SLC26A5: variants seen among roughly 807,000 people sequenced by gnomAD.
SLC26A5 encodes the protein prestin.
SLC26A5 carries 51 observed loss-of-function variants against 81.0 expected under a neutral mutation model. The observed-to-expected ratio is 0.63, with a 90% confidence interval of 0.50 to 0.80. The LOEUF (loss-of-function observed/expected upper bound fraction) is 0.80, where lower values mean the gene tolerates loss of function less well. Among genes scored for constraint, SLC26A5 ranks in the 30% least tolerant of loss-of-function variants. The probability of loss-of-function intolerance (pLI) is 0.00; values close to 1 mark genes in which losing one functional copy is unlikely to be tolerated. For missense variants in SLC26A5, 771 were observed against 905.8 expected (o/e 0.85, Z 1.91); for synonymous variants, 325 against 332.8 (o/e 0.98, Z 0.25).
At chr7:103,393,090 C>T in intron 9 of SLC26A5, 24 bp from the exon 10 acceptor site, 2 of 1,613,696 alleles carry the variant, frequency 1.2e-6, no homozygotes, top group Non-Finnish European at 1.7e-6. Context: ...CTGCCTTTAA[C>T]TTGTGTTGTG....
Position 103,446,116 on chromosome 7 carries a change from G to A in SLC26A5, c.-201C>T, listed in dbSNP as rs1827298512. On this transcript the variant is annotated 5_prime_UTR_variant, in exon 1 of 20. Transcript: ENST00000306312. Reference sequence around the variant, plus strand: ...CACTCACCAGCCCGGGCTGCCCTGGGCGGAGCCGCCCCGCCGCGCTCCACA... The same window carrying A: ...CACTCACCAGCCCGGGCTGCCCTGGACGGAGCCGCCCCGCCGCGCTCCACA... 6.6e-6 allele frequency: 1 copy of A among 151,770 alleles called. No homozygotes were observed. Among genetic ancestry groups the A allele is most frequent in the Non-Finnish European group, 1.5e-5 (1 of 68,048 alleles). 9.4% of individuals were successfully genotyped at this position (151,770 alleles called of 1,614,324 possible).
intron 14 of SLC26A5, among the ~76,000 whole-genome samples, chr7:103,381,193 C>A (rs2116384575): frequency 6.6e-6 from 1 of 151,454 alleles, no homozygotes; most frequent in South Asian, 2.1e-4. Flanking sequence ...ACACACATAC[C>A]ATATACACCT....
In SLC26A5 at chr7:103,362,934, C is replaced by T. The variant is rs559334098; in HGVS notation, c.2042-10008G>A. ...TCAGCCTCCCGAGTAGCTGGGATTA[C>T]AGGCACCCGCCACCACGCCCAGCTA... On this transcript the variant is annotated intron_variant, in intron 19 of 19. Coordinates refer to the SLC26A5 transcript ENST00000339444. 1.3e-4 allele frequency among the ~76,000 whole-genome samples: 19 copies of T among 151,950 alleles called. No individual in the cohort carries two copies. In the East Asian group the frequency reaches 3.7e-3, roughly 29 times the overall value.
At chr7:103,410,140 T>C (rs531218722) in intron 7 of SLC26A5, among the ~76,000 whole-genome samples, 88 of 152,324 alleles carry the variant, frequency 5.8e-4, no homozygotes, top group Non-Finnish European at 1.1e-3. Context: ...AGTCACCAAA[T>C]AAAGACCTAG....
chr7:103,382,761 C>T (rs187848552), intron 14 of SLC26A5, among the ~76,000 whole-genome samples: 155 of 151,508 alleles, frequency 1.0e-3, no homozygotes, highest in African/African-American at 3.5e-3. Context: ...AACAATGCTG[C>T]TGGGCACATT....
chr7:103,427,077 T>C (rs1007835744), intron 2 of SLC26A5, among the ~76,000 whole-genome samples: 2 of 143,290 alleles, frequency 1.4e-5, no homozygotes, highest in Admixed American at 6.9e-5. Flanking sequence ...CATCATAGAT[T>C]TTTTTTTTTT....
At chr7:103,376,368 A>G (rs1043398401) in intron 19 of SLC26A5, among the ~76,000 whole-genome samples, 4 of 152,170 alleles carry the variant, frequency 2.6e-5, no homozygotes, top group African/African-American at 9.7e-5. Context: ...GAGTCACAAC[A>G]CCCGGCCTCA....
At chr7:103,407,072 A>G (rs1357867031) in intron 8 of SLC26A5, among the ~76,000 whole-genome samples, 4 of 152,216 alleles carry the variant, frequency 2.6e-5, no homozygotes, top group Non-Finnish European at 4.4e-5. Context: ...AGTGACATCT[A>G]TTGGGCACTG....
At position 103,376,443 on chromosome 7, in the gene SLC26A5, G is replaced by A. The variant is rs562336571; in HGVS notation, c.2041+365C>T. Reference sequence around the variant, plus strand: ...GCAGGCAAAGTATTCCCAAATGATTGGATAGAGAAACAAGCAACCTGAATG... The same window carrying A: ...GCAGGCAAAGTATTCCCAAATGATTAGATAGAGAAACAAGCAACCTGAATG... On this transcript the variant is annotated intron_variant, in intron 19 of 19. Transcript: ENST00000306312. 2.3e-4 allele frequency among the ~76,000 whole-genome samples: 35 copies of A among 152,278 alleles called. No individual in the cohort carries two copies. In the South Asian group the frequency reaches 7.0e-3, roughly 31 times the overall value.
Position 103,410,379 on chromosome 7 carries a change from A to T in SLC26A5, c.735+6T>A. On this transcript the variant is annotated splice_donor_region_variant and intron_variant, in intron 7 of 19. Coordinates refer to ENST00000306312, the MANE Select transcript of SLC26A5 (RefSeq NM_198999.3). ...GTACCAGAACGTCAGGTAGTTTCTT[A>T]CTTACATACACCACGGAAAAGATTC... The T allele has an allele frequency of 6.2e-7, 1 of 1,612,254 alleles. No individual in the cohort carries two copies. Among genetic ancestry groups the T allele is most frequent in the East Asian group, 2.2e-5 (1 of 44,854 alleles).
intron 2 of SLC26A5, among the ~76,000 whole-genome samples, chr7:103,432,408 C>T (rs1826148325): frequency 6.6e-6 from 1 of 152,126 alleles, no homozygotes; most frequent in Non-Finnish European, 1.5e-5. Context: ...CATTTTACAG[C>T]TTTTTATCTC....
chr7:103,379,483 CAAA>C (rs375313152), intron 15 of SLC26A5, 148 bp from the exon 16 acceptor site: 2,118 of 294,040 alleles, frequency 7.2e-3, no homozygotes, highest in South Asian at 0.013. Context: ...ACACACAGAC[CAAA>C]AAAAAAAAAA....
In SLC26A5 at chr7:103,429,662, T is replaced by C. The variant is rs1271445475; in HGVS notation, c.-53-8095A>G. 2.6e-5 allele frequency among the ~76,000 whole-genome samples: 4 copies of C among 152,224 alleles called. No homozygotes were observed. In the East Asian group the frequency reaches 7.7e-4, roughly 29 times the overall value. On this transcript the variant is annotated intron_variant, in intron 2 of 19. Coordinates refer to ENST00000306312, the MANE Select transcript of SLC26A5 (RefSeq NM_198999.3). ...CTTATTAACTATCATTGATTAATTA[T>C]AGTGGCTCAATATGTAGAAAGAGCA...
chr7:103,423,831 G>A (rs1236712195), intron 2 of SLC26A5, among the ~76,000 whole-genome samples: 1 of 152,178 alleles, frequency 6.6e-6, no homozygotes, highest in Non-Finnish European at 1.5e-5. Context: ...CTAAGAAATG[G>A]TAAATCTGGA....
intron 14 of SLC26A5, among the ~76,000 whole-genome samples, chr7:103,383,302 G>A (rs1391606611): frequency 6.6e-6 from 1 of 152,212 alleles, no homozygotes; most frequent in Non-Finnish European, 1.5e-5. Flanking sequence ...TAGCTGAGAT[G>A]GACACACGCA....
At chr7:103,416,432 T>G (rs771389746) in intron 4 of SLC26A5, among the ~76,000 whole-genome samples, 5 of 152,242 alleles carry the variant, frequency 3.3e-5, no homozygotes, top group Non-Finnish European at 4.4e-5. Flanking sequence ...CAGCCTTTGC[T>G]GGCTCACAGT....
chr7:103,441,775 T>C (rs1327443892), intron 2 of SLC26A5, among the ~76,000 whole-genome samples: 1 of 152,196 alleles, frequency 6.6e-6, no homozygotes, highest in Non-Finnish European at 1.5e-5. Context: ...ATTCAGTCCA[T>C]CAAAAACTAC....
intron 2 of SLC26A5, among the ~76,000 whole-genome samples, chr7:103,431,090 G>A (rs895406719): frequency 6.6e-6 from 1 of 152,172 alleles, no homozygotes; most frequent in Non-Finnish European, 1.5e-5. Context: ...AAAAAGCTCA[G>A]TAATTCAAAG....
chr7:103,437,156 G>C (rs1037539153), intron 2 of SLC26A5, among the ~76,000 whole-genome samples: 5 of 152,204 alleles, frequency 3.3e-5, no homozygotes, highest in African/African-American at 9.7e-5. Flanking sequence ...AAAAGACGCA[G>C]AAGTGGCCAA....
Sources: allele counts gnomAD v4.1 joint callset (sites outside exome capture counted in the v4.1 genomes callset), GRCh38; gene constraint gnomAD v4.1.1; transcripts MANE v1.5; gene names NCBI Gene and HGNC (gene_info 2026-07-23, HGNC 2026-07-21).